The following EDN1 variants were observed in gnomAD, a reference collection of about 807,000 sequenced individuals.
EDN1 encodes the protein endothelin 1.
A neutral mutation model predicts 21.7 loss-of-function variants in EDN1; 11 were observed. The ratio of observed to expected loss-of-function variants is 0.51; its 90% confidence interval spans 0.32 to 0.84. The LOEUF is 0.84. Among genes scored for constraint, EDN1 ranks in the 40% least tolerant of loss-of-function variants. The pLI, the probability that EDN1 is intolerant of heterozygous loss-of-function variation, is 0.03. For synonymous variants in EDN1, 85 were observed against 90.6 expected (o/e 0.94, Z 0.35); for missense variants, 244 against 262.3 (o/e 0.93, Z 0.48).
the EDN1 span, among the ~76,000 whole-genome samples, chr6:12,233,063 C>A: frequency 6.6e-6 from 1 of 152,254 alleles, no homozygotes; most frequent in East Asian, 1.9e-4. Context: ...CAAAGAAAAC[C>A]CAGCAGATTT....
At chr6:12,233,797 G>A in the EDN1 span, among the ~76,000 whole-genome samples, 2 of 152,106 alleles carry the variant, frequency 1.3e-5, no homozygotes, top group African/African-American at 4.8e-5. Flanking sequence ...AAATACCTTG[G>A]GGTTGATGTC....
chr6:12,264,772 G>C, the EDN1 span, among the ~76,000 whole-genome samples: 2 of 152,318 alleles, frequency 1.3e-5, no homozygotes, highest in Admixed American at 1.3e-4. Flanking sequence ...GATATTCTCA[G>C]AGCCAGAAGA....
the EDN1 span, among the ~76,000 whole-genome samples, chr6:12,274,487 C>T: frequency 6.6e-6 from 1 of 152,178 alleles, no homozygotes; most frequent in African/African-American, 2.4e-5. Flanking sequence ...ATTTTTAAAA[C>T]TTTTATTTAT....
At chr6:12,271,048 C>T in the EDN1 span, among the ~76,000 whole-genome samples, 2 of 152,124 alleles carry the variant, frequency 1.3e-5, no homozygotes, top group Non-Finnish European at 2.9e-5. Context: ...TCCATCCTTT[C>T]ACTTTCAGTT....
intron 4 of EDN1, 45 bp from the exon 5 acceptor site, chr6:12,295,917 A>ATT (rs6413477): frequency 3.1e-6 from 5 of 1,594,154 alleles, no homozygotes; most frequent in South Asian, 2.2e-5. Flanking sequence ...CCAAAGGGTG[A>ATT]TTTTTTTAAA....
the EDN1 span, among the ~76,000 whole-genome samples, chr6:12,264,387 T>C: frequency 6.6e-6 from 1 of 152,232 alleles, no homozygotes; most frequent in Admixed American, 6.5e-5. Context: ...AGATAATGGT[T>C]CTGAAGGACA....
chr6:12,282,758 C>T, the EDN1 span, among the ~76,000 whole-genome samples: 4 of 152,254 alleles, frequency 2.6e-5, no homozygotes, highest in Middle Eastern at 3.4e-3. Context: ...CTAAAATAAA[C>T]CAACATAATA....
At chr6:12,273,106 G>C in the EDN1 span, among the ~76,000 whole-genome samples, 1 of 152,230 alleles carries the variant, frequency 6.6e-6, no homozygotes, top group Admixed American at 6.5e-5. Flanking sequence ...GGAACCCATG[G>C]TGTGCACTGG....
At chr6:12,272,389 C>A in the EDN1 span, among the ~76,000 whole-genome samples, 1 of 150,802 alleles carries the variant, frequency 6.6e-6, no homozygotes, top group African/African-American at 2.4e-5. Flanking sequence ...ATTAATTATG[C>A]GACTTCTTCT....
At chr6:12,234,574 T>C in the EDN1 span, among the ~76,000 whole-genome samples, 2 of 152,212 alleles carry the variant, frequency 1.3e-5, no homozygotes, top group Admixed American at 6.5e-5. Flanking sequence ...AAGTCAAGTC[T>C]TTCTGAAGCA....
At chr6:12,284,555 A>G in the EDN1 span, among the ~76,000 whole-genome samples, 604 of 150,522 alleles carry the variant, frequency 4.0e-3, 7 homozygotes, top group African/African-American at 0.014. Context: ...GAAGGAAGGA[A>G]GGAAGGAAAA....
chr6:12,291,473 C>T (rs1762681669), intron 1 of EDN1, among the ~76,000 whole-genome samples: 1 of 152,078 alleles, frequency 6.6e-6, no homozygotes, highest in African/African-American at 2.4e-5. Context: ...CTTTTTTTGT[C>T]TTTTCGTGAC....
chr6:12,271,296 T>A, the EDN1 span, among the ~76,000 whole-genome samples: 1 of 152,160 alleles, frequency 6.6e-6, no homozygotes, highest in Non-Finnish European at 1.5e-5. Context: ...TTTGGGTGAT[T>A]TTCTGTAGTA....
Position 12,296,025 on chromosome 6 carries a change from C to T in EDN1, c.597C>T (p.Pro199=), listed in dbSNP as rs750777751. The T allele has an allele frequency of 1.9e-6, 3 of 1,614,070 alleles. No homozygotes were observed. In the South Asian group the frequency reaches 3.3e-5, roughly 18 times the overall value. The change falls in exon 5 of 5, where the codon CCC becomes CCT. Residue 199 remains proline (P), a synonymous_variant. Transcript: ENST00000379375. ...ATGATCCCAAGCTGAAAGGCAAGCCCTCCAGAGAGCGTTATGTGACCCACA... is the reference window on the plus strand; with the variant it reads ...ATGATCCCAAGCTGAAAGGCAAGCCTTCCAGAGAGCGTTATGTGACCCACA... ...SFHDPKLKGK[P]SRERYVTHNR... is the part of the protein sequence containing the mutation.
upstream of EDN1, among the ~76,000 whole-genome samples, chr6:12,288,668 C>A (rs910174621): frequency 6.6e-6 from 1 of 152,160 alleles, no homozygotes; most frequent in Non-Finnish European, 1.5e-5. Context: ...CATTATGGAC[C>A]TGTCGCTGCC....
the EDN1 span, among the ~76,000 whole-genome samples, chr6:12,267,432 T>A: frequency 6.6e-6 from 1 of 152,312 alleles, no homozygotes; most frequent in Admixed American, 6.5e-5. Flanking sequence ...AGATTGTTGA[T>A]ATGGAGAAAG....
chr6:12,233,627 G>T, the EDN1 span, among the ~76,000 whole-genome samples: 44 of 152,282 alleles, frequency 2.9e-4, no homozygotes, highest in African/African-American at 1.0e-3. Flanking sequence ...CAAGATTGCT[G>T]CTGATGATGT....
the EDN1 span, among the ~76,000 whole-genome samples, chr6:12,269,811 G>C: frequency 6.6e-6 from 1 of 151,848 alleles, no homozygotes; most frequent in Admixed American, 6.6e-5. Flanking sequence ...TCTGGGTAAT[G>C]CTGGCTTTAT....
chr6:12,287,731 C>G (rs1762582571), upstream of EDN1, among the ~76,000 whole-genome samples: 4 of 150,078 alleles, frequency 2.7e-5, no homozygotes, highest in Admixed American at 2.6e-4. Context: ...CACACACACA[C>G]ACACACACAC....
Sources: allele counts gnomAD v4.1 joint callset (sites outside exome capture counted in the v4.1 genomes callset), GRCh38; gene constraint gnomAD v4.1.1; transcripts MANE v1.5; gene names NCBI Gene and HGNC (gene_info 2026-07-23, HGNC 2026-07-21).